The following CHD1L variants were observed in gnomAD, a reference collection of about 807,000 sequenced individuals.
CHD1L encodes the protein chromodomain helicase DNA binding protein 1 like.
A neutral mutation model predicts 115.9 loss-of-function variants in CHD1L; 118 were observed. The observed-to-expected ratio is 1.02, with a 90% CI of 0.88 to 1.19. The LOEUF is 1.19. CHD1L is among the 50% of genes most tolerant of loss of function. CHD1L has a pLI of 0.00. For synonymous variants in CHD1L, 411 were observed against 387.1 expected, an observed-to-expected ratio of 1.06 and a Z score of -0.72; for missense variants, 1,179 against 1,065.3, an observed-to-expected ratio of 1.11 and a Z score of -1.49.
chr1:147,255,813 AT>A lies in CHD1L; in HGVS notation c.351del (p.Phe117LeufsTer8), dbSNP rs1669921444. On this transcript the variant is annotated frameshift_variant and splice_region_variant, in exon 4 of 23. Transcript: ENST00000369258. LOFTEE classifies it high-confidence loss of function. Reference protein sequence around the residue: ...LSNWKEEMQRFAPGLSCVTYA... With the variant: ...LSNWKEEMQRXAPGLSCVTYA... ...TATCTACTTCTTTTCTTGGATTCAG[AT>A]TTGCTCCAGGTCTTTCCTGTGTAAC... 1.9e-6 allele frequency: 3 copies of A among 1,600,644 alleles called. No homozygotes were observed. The highest frequency in any genetic ancestry group is 2.6e-6 in the Non-Finnish European group (3 of 1,171,586).
At chr1:147,269,917 T>C (rs782381685) in intron 10 of CHD1L, among the ~76,000 whole-genome samples, 30 of 152,192 alleles carry the variant, frequency 2.0e-4, no homozygotes, top group Non-Finnish European at 3.8e-4. Context: ...ATTTCATGTC[T>C]TACTGTATTT....
the CHD1L span, chr1:147,210,926 T>G: frequency 1.3e-5 from 2 of 152,180 alleles, no homozygotes; most frequent in African/African-American, 4.8e-5. Context: ...TACAAAAGCA[T>G]CTACAAGAAT....
the CHD1L span, chr1:147,190,180 T>A: frequency 1.9e-6 from 3 of 1,602,410 alleles, no homozygotes; most frequent in Admixed American, 3.3e-5. Flanking sequence ...TTCTTACCTT[T>A]TGTCAATTTC....
intron 19 of CHD1L, among the ~76,000 whole-genome samples, chr1:147,290,262 T>C (rs1376039020): frequency 1.3e-5 from 2 of 151,836 alleles, no homozygotes; most frequent in African/African-American, 2.4e-5. Flanking sequence ...CTTTTGAATT[T>C]TTGGTAGAGA....
chr1:147,289,149 G>A (rs1307540420), intron 19 of CHD1L, among the ~76,000 whole-genome samples: 3 of 152,138 alleles, frequency 2.0e-5, no homozygotes, highest in Admixed American at 6.5e-5. Context: ...GATGCTGATT[G>A]GGCAGTTGGC....
chr1:147,266,535 C>T (rs1225012409), intron 8 of CHD1L, among the ~76,000 whole-genome samples: 3 of 152,234 alleles, frequency 2.0e-5, no homozygotes, highest in Admixed American at 1.3e-4. Context: ...AAATCTCACT[C>T]TGTTCCACCC....
the CHD1L span, chr1:147,215,472 C>T: frequency 3.0e-6 from 1 of 330,308 alleles, no homozygotes; most frequent in Admixed American, 4.6e-5. Flanking sequence ...AAAACATTTC[C>T]CTTCATCTGT....
chr1:147,256,770 T>C (rs1217817926), intron 5 of CHD1L, among the ~76,000 whole-genome samples: 1 of 152,230 alleles, frequency 6.6e-6, no homozygotes, highest in Non-Finnish European at 1.5e-5. Context: ...TTAATCTCCA[T>C]GAACTTCAGC....
chr1:147,263,260 G>A (rs1382031309), intron 6 of CHD1L, among the ~76,000 whole-genome samples: 2 of 151,716 alleles, frequency 1.3e-5, no homozygotes, highest in Admixed American at 6.6e-5. Flanking sequence ...AGACCTTGTC[G>A]CTATAAGAAA....
the CHD1L span, among the ~76,000 whole-genome samples, chr1:147,182,430 A>G: frequency 2.6e-5 from 4 of 152,366 alleles, no homozygotes; most frequent in African/African-American, 7.2e-5. Context: ...AAGAACTGTT[A>G]TATCATCTCA....
chr1:147,178,032 A>T, the CHD1L span: 1 of 674,222 alleles, frequency 1.5e-6, no homozygotes, highest in South Asian at 2.1e-5. Context: ...GAAAAGTGGT[A>T]AAATAGGTGG....
the CHD1L span, among the ~76,000 whole-genome samples, chr1:147,229,590 T>A: frequency 6.6e-6 from 1 of 152,214 alleles, no homozygotes; most frequent in Admixed American, 6.5e-5. Context: ...ATCTATAAAT[T>A]ACCTTGGGCA....
chr1:147,270,533 G>A (rs997077531), intron 10 of CHD1L, among the ~76,000 whole-genome samples: 7 of 149,310 alleles, frequency 4.7e-5, no homozygotes, highest in Admixed American at 4.6e-4. Context: ...TTTTTTTTGT[G>A]TGTGTATTTG....
chr1:147,245,696 C>CTTTT (rs11350539), intron 1 of CHD1L, among the ~76,000 whole-genome samples: 3 of 147,244 alleles, frequency 2.0e-5, no homozygotes, highest in Admixed American at 6.7e-5. Context: ...GAAAATTCAA[C>CTTTT]TTTTTTTTTT....
chr1:147,266,103 T>G lies in CHD1L; in HGVS notation c.895+16T>G. On this transcript the variant is annotated intron_variant, in intron 8 of 22. Transcript: ENST00000369258. ...AAAGACCTAGGTAATCAGAGGGCAC[T>G]TGTCCATTTAGAAACTAAATGAGGA... 6.3e-7 allele frequency: 1 copy of G among 1,597,958 alleles called. No homozygotes were observed. Among genetic ancestry groups the G allele is most frequent in the Non-Finnish European group, 8.5e-7 (1 of 1,173,902 alleles).
At chr1:147,243,791 TC>T (rs1462276674) in intron 1 of CHD1L, among the ~76,000 whole-genome samples, 3 of 152,282 alleles carry the variant, frequency 2.0e-5, no homozygotes, top group African/African-American at 7.2e-5. Context: ...TAGGGACCCT[TC>T]CTACCTAGAG....
chr1:147,229,285 T>C, the CHD1L span, among the ~76,000 whole-genome samples: 2 of 152,120 alleles, frequency 1.3e-5, no homozygotes, highest in African/African-American at 4.8e-5. Context: ...CTATTTCTTG[T>C]TTTTGTGAGG....
the CHD1L span, chr1:147,203,706 G>A: frequency 6.6e-7 from 1 of 1,505,020 alleles, no homozygotes; most frequent in South Asian, 1.1e-5. Context: ...CCACCTCTGG[G>A]TACAAGACGT....
rs1553960746 is a variant in CHD1L, at chr1:147,280,067, C to T, written c.1581C>T (p.Ala527=). The change falls in exon 15 of 23, where the codon GCC becomes GCT. Residue 527 remains alanine, a synonymous_variant. Coordinates refer to ENST00000369258, the MANE Select transcript of CHD1L (RefSeq NM_004284.6). ...AATTTGGTTTGGATAAACTGCTGGC[C>T]TCTGAGGGGAGCACCATGGATGAAA... The part of the protein sequence containing the change: ...ILKFGLDKLL[A]SEGSTMDEID... The T allele has an allele frequency of 6.2e-7, 1 of 1,614,044 alleles. No homozygotes were observed. The highest frequency in any genetic ancestry group is 8.5e-7 in the Non-Finnish European group (1 of 1,180,020).
Sources: gnomAD v4.1 joint callset for allele counts (sites outside exome capture counted in the v4.1 genomes callset) on GRCh38, gnomAD v4.1.1 for gene constraint, MANE v1.5 for transcripts, NCBI Gene and HGNC (gene_info 2026-07-23, HGNC 2026-07-21) for gene names.